KCNMA1: variants seen among roughly 807,000 people sequenced by gnomAD.
KCNMA1 encodes potassium calcium-activated channel subfamily M alpha 1, also known as Calcium-activated potassium channel subunit alpha-1.
A neutral mutation model predicts 140.0 loss-of-function variants in KCNMA1; 29 were observed. That is an observed-to-expected ratio of 0.21 (90% confidence interval 0.15 to 0.28). The LOEUF is 0.28. Ranked by LOEUF, KCNMA1 falls within the 10% of genes least tolerant of loss-of-function variation. The pLI, the probability that KCNMA1 is intolerant of heterozygous loss-of-function variation, is 1.00. For missense variants in KCNMA1, 880 were observed against 1,602.2 expected, an observed-to-expected ratio of 0.55 and a Z score of 7.70; for synonymous variants, 612 against 611.9, an observed-to-expected ratio of 1.00 and a Z score of 0.00.
At chr10:77,530,921 T>G (rs1245236162) in intron 1 of KCNMA1, among the ~76,000 whole-genome samples, 1 of 152,202 alleles carries the variant, frequency 6.6e-6, no homozygotes, top group Non-Finnish European at 1.5e-5. Context: ...TTTCCACAAG[T>G]GTATTCAAAT....
At chr10:77,116,394 CT>C (rs2097465870) in intron 6 of KCNMA1, among the ~76,000 whole-genome samples, 1 of 152,058 alleles carries the variant, frequency 6.6e-6, no homozygotes, top group South Asian at 2.1e-4. Context: ...CTTCTGGGGC[CT>C]CCTTTGTCCT....
chr10:76,928,474 T>A (rs2058395914), intron 23 of KCNMA1, among the ~76,000 whole-genome samples: 1 of 152,116 alleles, frequency 6.6e-6, no homozygotes, highest in African/African-American at 2.4e-5. Flanking sequence ...TAGAATGGTA[T>A]CTTATTCTTT....
chr10:77,240,097 T>C (rs909873537), intron 3 of KCNMA1, among the ~76,000 whole-genome samples: 1 of 152,176 alleles, frequency 6.6e-6, no homozygotes, highest in African/African-American at 2.4e-5. Context: ...CCTCTCTTCT[T>C]ATAAAAAAAG....
intron 23 of KCNMA1, among the ~76,000 whole-genome samples, chr10:76,921,191 C>T (rs1488009834): frequency 6.6e-6 from 1 of 152,118 alleles, no homozygotes; most frequent in Non-Finnish European, 1.5e-5. Flanking sequence ...GGTTAGAAAT[C>T]CATATGCTAC....
intron 1 of KCNMA1, among the ~76,000 whole-genome samples, chr10:77,546,862 G>T (rs921648601): frequency 1.3e-5 from 2 of 152,132 alleles, no homozygotes; most frequent in Admixed American, 6.5e-5. Context: ...ACTATGTGTC[G>T]GGCTCTGTGC....
At chr10:77,116,971 C>T (rs2153915967) in intron 6 of KCNMA1, among the ~76,000 whole-genome samples, 1 of 152,318 alleles carries the variant, frequency 6.6e-6, no homozygotes, top group South Asian at 2.1e-4. Context: ...CCCTGCACAT[C>T]TCTTGCAGTC....
chr10:77,524,395 C>T (rs988882858), intron 1 of KCNMA1, among the ~76,000 whole-genome samples: 11 of 152,192 alleles, frequency 7.2e-5, no homozygotes, highest in Non-Finnish European at 1.3e-4. Flanking sequence ...TGCTCTTCAG[C>T]CTCAGACCAA....
At chr10:77,316,967 T>G (rs1019226665) in intron 2 of KCNMA1, among the ~76,000 whole-genome samples, 2 of 152,142 alleles carry the variant, frequency 1.3e-5, no homozygotes, top group Non-Finnish European at 2.9e-5. Flanking sequence ...GACAAGTGAC[T>G]TCTTTCTGGG....
intron 2 of KCNMA1, among the ~76,000 whole-genome samples, chr10:77,298,995 A>G (rs1351301147): frequency 6.6e-6 from 1 of 152,194 alleles, no homozygotes; most frequent in Non-Finnish European, 1.5e-5. Flanking sequence ...CTTTTGAACA[A>G]CTGATTTTGT....
At chr10:77,166,043 T>C (rs1217166897) in intron 5 of KCNMA1, among the ~76,000 whole-genome samples, 3 of 152,276 alleles carry the variant, frequency 2.0e-5, no homozygotes, top group Admixed American at 2.0e-4. Flanking sequence ...GGCAGGTCAG[T>C]GCATGGAAAA....
chr10:77,582,560 C>T (rs893675442), intron 1 of KCNMA1, among the ~76,000 whole-genome samples: 4 of 152,342 alleles, frequency 2.6e-5, no homozygotes, highest in African/African-American at 9.6e-5. Context: ...GCACCTGTAT[C>T]CCAGAACTTA....
In KCNMA1 at chr10:77,590,237, G is replaced by A. The variant is rs1350099015; in HGVS notation, c.378+47028C>T. Among the ~76,000 whole-genome samples, 14 of 152,364 alleles carry A rather than the reference G, an allele frequency of 9.2e-5. No homozygotes were observed. In the East Asian group the frequency reaches 1.4e-3, roughly 15 times the overall value. ...GGCTTCACCCAGTGGATCCCGCACC[G>A]GGGCCGCAGGTGGAGCTGCCTGCCA... On this transcript the variant is annotated intron_variant, in intron 1 of 27. Transcript: ENST00000286628.
Position 77,001,494 on chromosome 10 carries a change from G to C in KCNMA1, c.2179C>G (p.Arg727Gly). The C allele has an allele frequency of 6.4e-7, 1 of 1,551,886 alleles. No homozygotes were observed. The highest frequency in any genetic ancestry group is 1.4e-5 in the African/African-American group (1 of 73,156). The change falls in exon 19 of 28, where the codon CGT (arginine) becomes GGT (glycine). Residue 727 changes from arginine to glycine, a missense_variant. Around this residue, in one of 13 missense-constraint regions of KCNMA1, gnomAD observed 196 missense variants for 233.0 expected, o/e 0.84. Transcript: ENST00000286628. The part of the protein sequence containing the change: ...SERDCSCMSG[R>G]VRGNVDTLER... ...AGGGTGTCCACGTTACCACGCACAC[G>C]GCCTGACATGCATGAGCAGTCACGC...
intron 2 of KCNMA1, among the ~76,000 whole-genome samples, chr10:77,300,136 A>T (rs1313864276): frequency 6.6e-6 from 1 of 152,226 alleles, no homozygotes; most frequent in African/African-American, 2.4e-5. Flanking sequence ...TACCCTGTGC[A>T]GGGCATGAGA....
chr10:77,294,981 C>T (rs941133013), intron 2 of KCNMA1, among the ~76,000 whole-genome samples: 2 of 151,884 alleles, frequency 1.3e-5, no homozygotes, highest in African/African-American at 2.4e-5. Context: ...TTGGATACAC[C>T]AATGCAAAGT....
At chr10:77,348,576 C>A (rs1430091449) in intron 2 of KCNMA1, among the ~76,000 whole-genome samples, 2 of 152,230 alleles carry the variant, frequency 1.3e-5, no homozygotes, top group Non-Finnish European at 2.9e-5. Flanking sequence ...GTCTTTAACA[C>A]AACTGTGACA....
intron 1 of KCNMA1, among the ~76,000 whole-genome samples, chr10:77,463,868 G>A (rs1043497247): frequency 2.0e-5 from 3 of 152,172 alleles, no homozygotes; most frequent in African/African-American, 7.2e-5. Context: ...CAGGCGACAG[G>A]AGCTGGAAGG....
intron 3 of KCNMA1, among the ~76,000 whole-genome samples, chr10:77,190,708 G>T (rs1344224267): frequency 2.6e-5 from 4 of 152,180 alleles, no homozygotes; most frequent in Non-Finnish European, 4.4e-5. Context: ...ACCCTGCTCT[G>T]TAGAGACTGT....
At chr10:77,039,724 A>C (rs1429762684) in intron 14 of KCNMA1, 87 bp from the exon 15 acceptor site, 2 of 796,172 alleles carry the variant, frequency 2.5e-6, no homozygotes, top group Admixed American at 3.8e-5. Context: ...AGGCAAACAA[A>C]TGAATGCACT....
Sources: gnomAD v4.1 joint callset for allele counts (sites outside exome capture counted in the v4.1 genomes callset) on GRCh38, gnomAD v4.1.1 for gene constraint, gnomAD v4.1.1 regional missense constraint, MANE v1.5 for transcripts, NCBI Gene and HGNC (gene_info 2026-07-23, HGNC 2026-07-21) for gene names.